The following UNC13C variants were observed in gnomAD, a reference collection of about 807,000 sequenced individuals.
The protein encoded by UNC13C is unc-13 homolog C.
Under a neutral mutation model 245.4 loss-of-function variants are expected in UNC13C, and 174 were observed. That is an observed-to-expected ratio of 0.71 (90% CI 0.63 to 0.80). The LOEUF is 0.80. Among genes scored for constraint, UNC13C ranks in the 30% least tolerant of loss-of-function variants. The pLI, the probability that UNC13C is intolerant of heterozygous loss-of-function variation, is 0.00. For synonymous variants in UNC13C, 992 were observed against 895.1 expected, an observed-to-expected ratio of 1.11 and a Z score of -1.93; for missense variants, 2,829 against 2,602.9, an observed-to-expected ratio of 1.09 and a Z score of -1.89.
intron 2 of UNC13C, among the ~76,000 whole-genome samples, chr15:54,074,517 T>C (rs28711795): frequency 0.17 from 25,359 of 152,198 alleles, 2,335 homozygotes; most frequent in South Asian, 0.36. Flanking sequence ...TAGCATGAAA[T>C]GTTTTTACAT....
chr15:53,880,015 C>T, the UNC13C span, among the ~76,000 whole-genome samples: 57 of 151,770 alleles, frequency 3.8e-4, no homozygotes, highest in African/African-American at 1.4e-3. Flanking sequence ...TTTTAGGGAA[C>T]ACTATTTATC....
At chr15:54,482,377 C>T (rs1004504385) in intron 19 of UNC13C, among the ~76,000 whole-genome samples, 1 of 152,116 alleles carries the variant, frequency 6.6e-6, no homozygotes, top group Non-Finnish European at 1.5e-5. Flanking sequence ...TGAATTAATC[C>T]AATCAAGTGA....
intron 28 of UNC13C, among the ~76,000 whole-genome samples, chr15:54,552,048 A>G (rs1264709258): frequency 6.6e-6 from 1 of 151,030 alleles, no homozygotes; most frequent in Non-Finnish European, 1.5e-5. Flanking sequence ...CAGAACTCCT[A>G]TTTAGGAGTA....
the UNC13C span, among the ~76,000 whole-genome samples, chr15:53,901,505 C>T: frequency 3.3e-5 from 5 of 151,912 alleles, no homozygotes; most frequent in Admixed American, 3.3e-4. Flanking sequence ...GGATTACAGG[C>T]GTGAGCCACC....
chr15:54,380,699 C>T (rs1379225979), intron 17 of UNC13C, among the ~76,000 whole-genome samples: 1 of 152,170 alleles, frequency 6.6e-6, no homozygotes, highest in South Asian at 2.1e-4. Flanking sequence ...ATTTGCATTT[C>T]CCTGATAATA....
intron 19 of UNC13C, among the ~76,000 whole-genome samples, chr15:54,435,291 T>C (rs2040958245): frequency 6.6e-6 from 1 of 152,130 alleles, no homozygotes; most frequent in African/African-American, 2.4e-5. Flanking sequence ...ATATGTTTAT[T>C]GCAGCACTGT....
intron 26 of UNC13C, 85 bp downstream of exon 26, chr15:54,533,151 T>C (rs74016656): frequency 0.031 from 30,808 of 1,008,604 alleles, 2,436 homozygotes; most frequent in African/African-American, 0.24. Flanking sequence ...TTTTCCTCTG[T>C]GTAAGGTAGC....
intron 29 of UNC13C, among the ~76,000 whole-genome samples, chr15:54,566,915 GC>G (rs1897540305): frequency 6.6e-6 from 1 of 152,076 alleles, no homozygotes; most frequent in African/African-American, 2.4e-5. Flanking sequence ...ACTAGTGAGT[GC>G]TTTGTTTCCT....
At chr15:53,843,980 A>G in the UNC13C span, among the ~76,000 whole-genome samples, 2 of 152,308 alleles carry the variant, frequency 1.3e-5, no homozygotes, top group South Asian at 4.1e-4. Context: ...ATCTTTTCAG[A>G]ACAGAAGAGC....
chr15:54,283,788 T>C (rs754476399), intron 10 of UNC13C, among the ~76,000 whole-genome samples: 6 of 152,066 alleles, frequency 3.9e-5, no homozygotes, highest in Non-Finnish European at 8.8e-5. Flanking sequence ...TTCAGTTTTA[T>C]CGATTGGGCG....
intron 30 of UNC13C, among the ~76,000 whole-genome samples, chr15:54,607,536 A>G (rs1445648724): frequency 1.3e-5 from 2 of 152,152 alleles, no homozygotes; most frequent in Non-Finnish European, 2.9e-5. Context: ...TTTATTTTTT[A>G]AATGTTTCAG....
rs1414650879 is a variant in UNC13C at position 54,250,353 on chromosome 15, G to C, written c.3357G>C (p.Trp1119Cys). 1 of 1,613,874 alleles carries C rather than the reference G, an allele frequency of 6.2e-7. No homozygotes were observed. Residue 1119 changes from tryptophan (W) to cysteine (C), a missense_variant, in exon 8 of 33, where the codon TGG (tryptophan) becomes TGC (cysteine). Transcript: ENST00000260323. ...TYCYECEGLL[W>C]GIARQGMKCL... is the part of the protein sequence containing the mutation. ...GTTATGAGTGTGAAGGGCTCCTGTG[G>C]GGCATTGCAAGGCAAGGCATGAAGT...
chr15:54,262,768 A>G (rs183136339), intron 8 of UNC13C, among the ~76,000 whole-genome samples: 1 of 152,208 alleles, frequency 6.6e-6, no homozygotes, highest in African/African-American at 2.4e-5. Flanking sequence ...CCACTGGAAT[A>G]TTCATATCTT....
At chr15:54,028,572 C>G (rs12148800) in intron 2 of UNC13C, among the ~76,000 whole-genome samples, 1 of 151,880 alleles carries the variant, frequency 6.6e-6, no homozygotes, top group Non-Finnish European at 1.5e-5. Context: ...TCCTGCGAGG[C>G]AAGTGGTATG....
At chr15:53,886,840 C>T in the UNC13C span, among the ~76,000 whole-genome samples, 683 of 152,104 alleles carry the variant, frequency 4.5e-3, 5 homozygotes, top group Non-Finnish European at 7.9e-3. Context: ...ATTTACCTCC[C>T]GCAAATACAT....
At chr15:54,027,941 C>T (rs1429580605) in intron 2 of UNC13C, among the ~76,000 whole-genome samples, 2 of 152,136 alleles carry the variant, frequency 1.3e-5, no homozygotes, top group African/African-American at 2.4e-5. Flanking sequence ...ATCAGCCATG[C>T]CTTGAGCACA....
chr15:54,244,929 C>T (rs1184151585), intron 7 of UNC13C, among the ~76,000 whole-genome samples: 2 of 152,142 alleles, frequency 1.3e-5, no homozygotes, highest in South Asian at 2.1e-4. Context: ...ATTTGACTTC[C>T]TCTCTTCCTA....
chr15:53,897,476 C>G, the UNC13C span, among the ~76,000 whole-genome samples: 1 of 152,154 alleles, frequency 6.6e-6, no homozygotes, highest in Non-Finnish European at 1.5e-5. Context: ...ATGAGGGTCT[C>G]ACTATGTTGT....
At chr15:54,028,815 C>T (rs985319062) in intron 2 of UNC13C, among the ~76,000 whole-genome samples, 3 of 151,930 alleles carry the variant, frequency 2.0e-5, no homozygotes, top group Middle Eastern at 3.4e-3. Flanking sequence ...CTCAGCCTCC[C>T]GAGTAGCTGG....
Sources: gnomAD v4.1 joint callset for allele counts (sites outside exome capture counted in the v4.1 genomes callset) on GRCh38, gnomAD v4.1.1 for gene constraint, MANE v1.5 for transcripts, NCBI Gene and HGNC (gene_info 2026-07-23, HGNC 2026-07-21) for gene names.